ATG10: variants seen among roughly 807,000 people sequenced by gnomAD.
ATG10 encodes ubiquitin-like-conjugating enzyme ATG10.
ATG10 carries 30 observed loss-of-function variants against 32.1 expected under a neutral mutation model. The observed-to-expected ratio is 0.94, with a 90% CI of 0.70 to 1.27. ATG10 has a LOEUF of 1.27. Among genes scored for constraint, ATG10 ranks in the 50% most tolerant of loss-of-function variants. The probability of loss-of-function intolerance (pLI) is 0.00; values close to 1 mark genes in which losing one functional copy is unlikely to be tolerated. For synonymous variants in ATG10, 87 were observed against 91.5 expected (o/e 0.95, Z 0.28); for missense variants, 233 against 262.3 (o/e 0.89, Z 0.77).
intron 3 of ATG10, among the ~76,000 whole-genome samples, chr5:82,136,962 T>C (rs978126048): frequency 2.6e-5 from 4 of 152,110 alleles, no homozygotes; most frequent in African/African-American, 9.7e-5. Context: ...ATTAAGTTGA[T>C]CTTCAATCTC....
intron 3 of ATG10, among the ~76,000 whole-genome samples, chr5:82,145,583 G>A (rs1162511585): frequency 2.0e-5 from 3 of 151,964 alleles, no homozygotes; most frequent in African/African-American, 7.3e-5. Context: ...TGTATTATAT[G>A]TATACACATT....
At chr5:81,981,257 C>T (rs916657069) in intron 1 of ATG10, among the ~76,000 whole-genome samples, 1 of 152,098 alleles carries the variant, frequency 6.6e-6, no homozygotes, top group African/African-American at 2.4e-5. Flanking sequence ...AGCATGATTC[C>T]CTTTGAAAGT....
chr5:82,086,460 T>C (rs148936364), intron 3 of ATG10, among the ~76,000 whole-genome samples: 72 of 152,290 alleles, frequency 4.7e-4, no homozygotes, highest in African/African-American at 1.6e-3. Flanking sequence ...AGTGGACTAG[T>C]TGGGACTGAC....
chr5:82,156,144 G>A (rs1261695206), intron 3 of ATG10, among the ~76,000 whole-genome samples: 12 of 152,054 alleles, frequency 7.9e-5, no homozygotes, highest in Non-Finnish European at 1.6e-4. Context: ...CCCTCCGAGA[G>A]GAGACCAAAT....
At chr5:82,166,954 A>AT (rs1198509332) in intron 4 of ATG10, among the ~76,000 whole-genome samples, 1 of 152,036 alleles carries the variant, frequency 6.6e-6, no homozygotes, top group Non-Finnish European at 1.5e-5. Flanking sequence ...CCCTGTACCT[A>AT]TTTTTTTAAG....
chr5:82,021,891 C>T (rs1456205710), intron 2 of ATG10, among the ~76,000 whole-genome samples: 4 of 151,904 alleles, frequency 2.6e-5, no homozygotes, highest in African/African-American at 4.8e-5. Context: ...GGCGTGGTGG[C>T]GGGCACCTGT....
At chr5:82,109,105 G>A (rs576418214) in intron 3 of ATG10, among the ~76,000 whole-genome samples, 12 of 152,166 alleles carry the variant, frequency 7.9e-5, no homozygotes, top group African/African-American at 2.9e-4. Flanking sequence ...ACTACATATA[G>A]GAGGCTAAGG....
rs1161977564 is a variant in ATG10 at position 82,164,415 on chromosome 5, C to T, written c.233C>T (p.Pro78Leu). The change falls in exon 4 of 8, where the codon CCC becomes CTC. Residue 78 changes from proline to leucine, a missense_variant. By Grantham distance (98) the Pro-to-Leu change is moderately conservative. Transcript: ENST00000282185. ...CLPMEEAFEL[P>L]LDDCEVIETA... ...TTTTTTTAGGAGGCTTTCGAGCTAC[C>T]CTTGGATGATTGTGAAGTGATTGAA... 1 of 1,613,532 alleles carries T rather than the reference C, an allele frequency of 6.2e-7. No homozygotes were observed. The highest frequency in any genetic ancestry group is 1.1e-5 in the South Asian group (1 of 91,040).
intron 4 of ATG10, among the ~76,000 whole-genome samples, chr5:82,167,955 G>A (rs940605425): frequency 5.3e-5 from 8 of 152,148 alleles, no homozygotes; most frequent in Admixed American, 3.9e-4. Flanking sequence ...CTCAGGAGAG[G>A]GTGAGACATA....
chr5:82,226,819 C>G (rs1304294764), intron 5 of ATG10, among the ~76,000 whole-genome samples: 1 of 152,184 alleles, frequency 6.6e-6, no homozygotes, highest in African/African-American at 2.4e-5. Flanking sequence ...TCATTATAAA[C>G]TTATGACGCA....
At chr5:82,024,097 C>G (rs1762526959) in intron 2 of ATG10, among the ~76,000 whole-genome samples, 1 of 152,056 alleles carries the variant, frequency 6.6e-6, no homozygotes, top group South Asian at 2.1e-4. Context: ...AGACTGCAGC[C>G]CTATTACTCT....
At chr5:82,011,053 ACTT>A (rs1762114455) in intron 2 of ATG10, among the ~76,000 whole-genome samples, 1 of 152,172 alleles carries the variant, frequency 6.6e-6, no homozygotes, top group African/African-American at 2.4e-5. Context: ...TCTGTATGCT[ACTT>A]ATCGTTTTCT....
intron 5 of ATG10, among the ~76,000 whole-genome samples, chr5:82,246,458 G>C (rs1041715263): frequency 8.6e-5 from 13 of 151,380 alleles, no homozygotes; most frequent in African/African-American, 2.9e-4. Flanking sequence ...GGAGATTAAG[G>C]TGGAAGGATC....
At chr5:82,242,510 G>A (rs1366392526) in intron 5 of ATG10, among the ~76,000 whole-genome samples, 1 of 152,004 alleles carries the variant, frequency 6.6e-6, no homozygotes, top group Admixed American at 6.6e-5. Flanking sequence ...TGATATTTAG[G>A]TTCAGGAAGC....
Position 82,058,552 on chromosome 5 carries a change from A to G in ATG10, c.166A>G (p.Met56Val). 6.2e-7 allele frequency: 1 copy of G among 1,613,338 alleles called. No individual in the cohort carries two copies. Reference sequence around the variant, plus strand: ...CTTTCAAATTAAGAATGGGTCTGTGATGTCACATCTAGGAGCATCTACCCA... The same window carrying G: ...CTTTCAAATTAAGAATGGGTCTGTGGTGTCACATCTAGGAGCATCTACCCA... ...IHFQIKNGSVMSHLGASTHGQ... is the reference protein window; with the variant it reads ...IHFQIKNGSVVSHLGASTHGQ... The change falls in exon 3 of 8, where the codon ATG becomes GTG. Residue 56 changes from methionine to valine, a missense_variant. Transcript: ENST00000282185.
intron 3 of ATG10, among the ~76,000 whole-genome samples, chr5:82,124,015 A>T (rs981648775): frequency 2.0e-5 from 3 of 152,158 alleles, no homozygotes; most frequent in African/African-American, 7.2e-5. Context: ...AACAAAAGGA[A>T]ATGGTGGAGT....
At chr5:82,016,411 G>A (rs912707172) in intron 2 of ATG10, among the ~76,000 whole-genome samples, 23 of 152,022 alleles carry the variant, frequency 1.5e-4, no homozygotes, top group South Asian at 6.2e-4. Flanking sequence ...TTTATTTCTG[G>A]GTTCTCTGTG....
At chr5:82,066,687 T>C (rs1285228230) in intron 3 of ATG10, among the ~76,000 whole-genome samples, 1 of 152,186 alleles carries the variant, frequency 6.6e-6, no homozygotes, top group Admixed American at 6.5e-5. Flanking sequence ...ATTCAAAGAA[T>C]GATGATCTTC....
chr5:82,019,598 G>A (rs573039396), intron 2 of ATG10, among the ~76,000 whole-genome samples: 20 of 152,114 alleles, frequency 1.3e-4, no homozygotes, highest in Non-Finnish European at 2.6e-4. Context: ...AATGAGTTTC[G>A]GCAAAGGGGG....
Sources: allele counts gnomAD v4.1 joint callset (sites outside exome capture counted in the v4.1 genomes callset), GRCh38; gene constraint gnomAD v4.1.1; transcripts MANE v1.5; gene names NCBI Gene and HGNC (gene_info 2026-07-23, HGNC 2026-07-21).